MRGPRX1: variants seen among roughly 807,000 people sequenced by gnomAD.
The protein encoded by MRGPRX1 is MAS related GPR family member X1, also known as mas-related G protein-coupled receptor member X1.
For missense variants in MRGPRX1, 411 were observed against 393.8 expected (o/e 1.04, Z -0.37); for synonymous variants, 208 against 170.4 (o/e 1.22, Z -1.72).
At chr11:18,935,275 G>C (rs1254922190) in intron 1 of MRGPRX1, 3 of 156,292 alleles carry the variant, frequency 1.9e-5, no homozygotes, top group Admixed American at 1.3e-4. Flanking sequence ...GCTGGGCCTG[G>C]TGGGTGAGAA....
chr11:18,934,661 G>C lies in MRGPRX1; in HGVS notation c.124C>G (p.Leu42Val), dbSNP rs1283139312. Residue 42 changes from leucine (L) to valine (V), a missense_variant, in exon 2 of 2, where the codon CTG becomes GTG. Coordinates refer to ENST00000526914, the MANE Select transcript of MRGPRX1 (RefSeq NM_001393578.1). Reference protein sequence around the residue: ...VLTCIVSLVGLTGNAVVLWLL... With the variant: ...VLTCIVSLVGVTGNAVVLWLL... ...CAGAGCACAACTGCGTTTCCTGTCA[G>C]CCCGACAAGGGAAACGATGCACGTC... The C allele has an allele frequency of 1.9e-6, 3 of 1,610,750 alleles. No homozygotes were observed. The highest frequency in any genetic ancestry group is 1.6e-4 in the Middle Eastern group (1 of 6,072).
rs745408355 is a variant in MRGPRX1, at chr11:18,934,361, C to T, written c.424G>A (p.Val142Met). 4.5e-5 allele frequency: 72 copies of T among 1,610,802 alleles called. No individual in the cohort carries two copies. The highest frequency in any genetic ancestry group is 1.3e-4 in the East Asian group (6 of 44,816). The change falls in exon 2 of 2, where the codon GTG (valine) becomes ATG (methionine). Residue 142 changes from valine (V) to methionine (M), a missense_variant. By Grantham distance (21) the Val-to-Met change is conservative. Coordinates refer to ENST00000526914, the MANE Select transcript of MRGPRX1 (RefSeq NM_001393578.1). ...GACAGGGCCCAGAGCAGGACACACA[C>T]CACCGCTGACAGGTGTGTGGGGCGG... ...CHRPTHLSAVVCVLLWALSLL... is the reference protein window; with the variant it reads ...CHRPTHLSAVMCVLLWALSLL...
rs878909891 is a variant in MRGPRX1, at chr11:18,934,986, A to G, written c.-25-177T>C. 7 of 653,422 alleles carry G rather than the reference A, an allele frequency of 1.1e-5. No homozygotes were observed. The South Asian group carries it at 1.7e-4, about 16-fold the overall frequency. 40.5% of individuals were successfully genotyped at this position (653,422 alleles called of 1,614,324 possible). A position where few individuals can be genotyped will look rare whatever the true frequency, so the allele number is the denominator to read the frequency against. On this transcript the variant is annotated intron_variant, in intron 1 of 1. Transcript: ENST00000526914. ...CCAGTTTGAAATCCAGTTCTTGCTG[A>G]CTCTGAAGCCTGACCTCTCTCTACT... is the stretch of plus-strand genomic sequence containing the variant.
chr11:18,933,660 C>A lies in MRGPRX1; in HGVS notation c.*156G>T, dbSNP rs897316061. Among the ~76,000 whole-genome samples the A allele has an allele frequency of 6.6e-6, 1 of 151,500 alleles. No individual in the cohort carries two copies. Among genetic ancestry groups the A allele is most frequent in the Non-Finnish European group, 1.5e-5 (1 of 67,816 alleles). On this transcript the variant is annotated 3_prime_UTR_variant, in exon 2 of 2. Transcript: ENST00000526914. Reference sequence around the variant, plus strand: ...GACTAATGCTTTCCATGGGTGAAAACCGCAACTGTCAGGTTAGATAAACAT... The same window carrying A: ...GACTAATGCTTTCCATGGGTGAAAAACGCAACTGTCAGGTTAGATAAACAT...
At chr11:18,938,061 G>A (rs1309815753) in intron 1 of MRGPRX1, among the ~76,000 whole-genome samples, 1 of 151,418 alleles carries the variant, frequency 6.6e-6, no homozygotes, top group African/African-American at 2.4e-5. Context: ...CAAGAGAGTG[G>A]CTTCTATGCA....
intron 1 of MRGPRX1, among the ~76,000 whole-genome samples, chr11:18,938,604 G>T (rs935432975): frequency 1.3e-5 from 2 of 151,590 alleles, no homozygotes; most frequent in African/African-American, 4.8e-5. Context: ...CAGATCCAAA[G>T]CATATCAGCC....
rs1181424723 is a variant in MRGPRX1 at position 18,934,686 on chromosome 11, C to G, written c.99G>C (p.Leu33=). 1.9e-6 allele frequency: 3 copies of G among 1,610,682 alleles called. No homozygotes were observed. The highest frequency in any genetic ancestry group is 2.2e-5 in the East Asian group (1 of 44,792). ...GCCCGACAAGGGAAACGATGCACGT[C>G]AGCACCGTGAGGCTCAAGGTCTGCT... The part of the protein sequence containing the change: ...CYKQTLSLTV[L]TCIVSLVGLT... Residue 33 remains leucine, a synonymous_variant, in exon 2 of 2, where the codon CTG becomes CTC. Transcript: ENST00000526914.
Position 18,933,552 on chromosome 11 carries a change from G to T in MRGPRX1, c.*264C>A, listed in dbSNP as rs1293643556. On this transcript the variant is annotated 3_prime_UTR_variant, in exon 2 of 2. Transcript: ENST00000526914. ...TATTACAAAGAAAATTGCAGAAAAA[G>T]TGTTCTGTAGGAAAGATTCAGTGTG... 6.6e-6 allele frequency among the ~76,000 whole-genome samples: 1 copy of T among 151,488 alleles called. No individual in the cohort carries two copies. Among genetic ancestry groups the T allele is most frequent in the African/African-American group, 2.4e-5 (1 of 41,316 alleles).
At position 18,934,274 on chromosome 11, in the gene MRGPRX1, C is replaced by G. The variant is rs1848817855; in HGVS notation, c.511G>C (p.Ala171Pro). The part of the protein sequence containing the change: ...CGFLFSGADS[A>P]WCQTSDFITV... ...ATGAAATCTGATGTTTGACACCAAGCAGAATCAGCACCACTGAACAGGAAG... is the reference window on the plus strand; with the variant it reads ...ATGAAATCTGATGTTTGACACCAAGGAGAATCAGCACCACTGAACAGGAAG... The change falls in exon 2 of 2, where the codon GCT becomes CCT. Residue 171 changes from alanine to proline, a missense_variant. Ala to Pro is a conservative substitution (Grantham distance 27, BLOSUM62 -1). Coordinates refer to ENST00000526914, the MANE Select transcript of MRGPRX1 (RefSeq NM_001393578.1). The G allele has an allele frequency of 6.2e-7, 1 of 1,610,570 alleles. No homozygotes were observed. The highest frequency in any genetic ancestry group is 2.2e-5 in the East Asian group (1 of 44,768).
chr11:18,933,842 G>A lies in MRGPRX1; in HGVS notation c.943C>T (p.Leu315=), dbSNP rs1276354935. The change falls in exon 2 of 2, where the codon CTG becomes TTG. Residue 315 remains leucine, a synonymous_variant. Coordinates refer to ENST00000526914, the MANE Select transcript of MRGPRX1 (RefSeq NM_001393578.1). The part of the protein sequence containing the change: ...GGQLPEEILE[L]SGSRLEQ ...CACTGCTCCAATCTGCTTCCCGACA[G>A]CTCCAGGATTTCCTCAGGAAGCTGC... is the stretch of plus-strand genomic sequence containing the variant. 1 of 1,609,150 alleles carries A rather than the reference G, an allele frequency of 6.2e-7. No individual in the cohort carries two copies. The highest frequency in any genetic ancestry group is 8.5e-7 in the Non-Finnish European group (1 of 1,177,532).
chr11:18,934,330 A>C lies in MRGPRX1; in HGVS notation c.455T>G (p.Leu152Arg). The change falls in exon 2 of 2, where the codon CTG becomes CGG. Residue 152 changes from leucine (L) to arginine (R), a missense_variant. Transcript: ENST00000526914. ...VCVLLWALSL[L>R]RSILEWMLCG... ...TAACATCCACTCCAGGATGCTCCGC[A>C]GCAGGGACAGGGCCCAGAGCAGGAC... 1 of 1,610,884 alleles carries C rather than the reference A, an allele frequency of 6.2e-7. No individual in the cohort carries two copies. The highest frequency in any genetic ancestry group is 8.5e-7 in the Non-Finnish European group (1 of 1,178,190).
In MRGPRX1 at chr11:18,933,766, C is replaced by A. The variant is rs773506206; in HGVS notation, c.*50G>T. The stretch of plus-strand genomic sequence containing the variant: ...AAACGCATATAATTGTCAAGGGTGG[C>A]AGGGCAGTGTTGCTCTCAAAGTCCT... On this transcript the variant is annotated 3_prime_UTR_variant, in exon 2 of 2. Transcript: ENST00000526914. 8.4e-6 allele frequency: 13 copies of A among 1,541,218 alleles called. No homozygotes were observed. Among genetic ancestry groups the A allele is most frequent in the African/African-American group, 1.4e-5 (1 of 72,118 alleles).
At chr11:18,937,339 C>T (rs909038973) in intron 1 of MRGPRX1, among the ~76,000 whole-genome samples, 5 of 151,270 alleles carry the variant, frequency 3.3e-5, no homozygotes, top group African/African-American at 1.2e-4. Flanking sequence ...TGGAGCTTCC[C>T]GCACTGATCT....
intron 1 of MRGPRX1, among the ~76,000 whole-genome samples, chr11:18,938,406 A>C (rs1848857421): frequency 6.6e-6 from 1 of 151,570 alleles, no homozygotes; most frequent in African/African-American, 2.4e-5. Flanking sequence ...AGCAAGAGAG[A>C]CAGGGAAGAG....
rs1450021003 is a variant in MRGPRX1, at chr11:18,934,523, T to C, written c.262A>G (p.Ile88Val). The C allele has an allele frequency of 7.5e-6, 12 of 1,610,360 alleles. No homozygotes were observed. The highest frequency in any genetic ancestry group is 1.0e-5 in the Non-Finnish European group (12 of 1,178,042). The change falls in exon 2 of 2, where the codon ATC becomes GTC. Residue 88 changes from isoleucine (I) to valine (V), a missense_variant. Physicochemically the swap from Ile to Val is conservative, Grantham distance 29. Coordinates refer to ENST00000526914, the MANE Select transcript of MRGPRX1 (RefSeq NM_001393578.1). ...TTAGAGATGGTATGGGGGATACTGATGAAGCTTAACAGGGAATATATAAGG... is the reference window on the plus strand; with the variant it reads ...TTAGAGATGGTATGGGGGATACTGACGAAGCTTAACAGGGAATATATAAGG... ...GRLIYSLLSF[I>V]SIPHTISKIL...
Position 18,934,644 on chromosome 11 carries a change from A to G in MRGPRX1, c.141T>C (p.Val47=). 6.2e-7 allele frequency: 1 copy of G among 1,610,822 alleles called. No individual in the cohort carries two copies. The highest frequency in any genetic ancestry group is 8.5e-7 in the Non-Finnish European group (1 of 1,178,140). ...VSLVGLTGNA[V]VLWLLGCRMR... Reference sequence around the variant, plus strand: ...TGCGGCAGCCCAGGAGCCAGAGCACAACTGCGTTTCCTGTCAGCCCGACAA... The same window carrying G: ...TGCGGCAGCCCAGGAGCCAGAGCACGACTGCGTTTCCTGTCAGCCCGACAA... Residue 47 remains valine (V), a synonymous_variant, in exon 2 of 2, where the codon GTT becomes GTC. Coordinates refer to ENST00000526914, the MANE Select transcript of MRGPRX1 (RefSeq NM_001393578.1).
chr11:18,938,614 C>T (rs911620358), intron 1 of MRGPRX1, among the ~76,000 whole-genome samples: 1 of 151,550 alleles, frequency 6.6e-6, no homozygotes, highest in Non-Finnish European at 1.5e-5. Flanking sequence ...GCATATCAGC[C>T]TGTGTGGCTG....
chr11:18,937,558 A>G (rs1191809479), intron 1 of MRGPRX1, among the ~76,000 whole-genome samples: 1 of 151,530 alleles, frequency 6.6e-6, no homozygotes, highest in Non-Finnish European at 1.5e-5. Context: ...AATGCCATGT[A>G]AGTTCTTGTT....
At chr11:18,934,916 C>T in intron 1 of MRGPRX1, 107 bp from the exon 2 acceptor site, 10 of 1,257,888 alleles carry the variant, frequency 7.9e-6, no homozygotes, top group Non-Finnish European at 1.1e-5. Context: ...AGATCAGAGA[C>T]TCACAGAGAA....
Sources: gnomAD v4.1 joint callset for allele counts (sites outside exome capture counted in the v4.1 genomes callset) on GRCh38, gnomAD v4.1.1 for gene constraint, MANE v1.5 for transcripts, NCBI Gene and HGNC (gene_info 2026-07-23, HGNC 2026-07-21) for gene names.